ACTN1: variants seen among roughly 807,000 people sequenced by gnomAD.
ACTN1 encodes alpha-actinin-1.
Under a neutral mutation model 119.6 loss-of-function variants are expected in ACTN1, and 30 were observed. The observed-to-expected ratio is 0.25, with a 90% confidence interval of 0.19 to 0.34. The LOEUF (loss-of-function observed/expected upper bound fraction) is 0.34. Among genes scored for constraint, ACTN1 ranks in the 10% least tolerant of loss-of-function variants. The probability of loss-of-function intolerance (pLI) is 1.00; values close to 1 mark genes in which losing one functional copy is unlikely to be tolerated. For synonymous variants in ACTN1, 429 were observed against 472.6 expected (o/e 0.91, Z 1.20); for missense variants, 764 against 1,223.4 (o/e 0.62, Z 5.60).
At chr14:68,904,374 C>T (rs1338391921) in intron 7 of ACTN1, among the ~76,000 whole-genome samples, 3 of 152,180 alleles carry the variant, frequency 2.0e-5, no homozygotes, top group East Asian at 1.9e-4. Flanking sequence ...CCCCAGCACC[C>T]GCTATCCTGA....
At chr14:68,950,473 T>C (rs1168698078) in intron 1 of ACTN1, among the ~76,000 whole-genome samples, 1 of 149,278 alleles carries the variant, frequency 6.7e-6, no homozygotes, top group Admixed American at 6.6e-5. Flanking sequence ...TATATATATA[T>C]ATATAAATCA....
In ACTN1 at chr14:68,876,198, A is replaced by G. The variant is rs145426983; in HGVS notation, c.2586+884T>C. 9.8e-3 allele frequency among the ~76,000 whole-genome samples: 1,496 copies of G among 152,186 alleles called. 23 individuals are homozygous for G. Among genetic ancestry groups the G allele is most frequent in the African/African-American group, 0.032 (1,324 of 41,512 alleles). On this transcript the variant is annotated intron_variant, in intron 21 of 21. Coordinates refer to ENST00000394419, the MANE Select transcript of ACTN1 (RefSeq NM_001130004.2). Reference sequence around the variant, plus strand: ...TTTTTAGTAGAGACAAGGTTTTCCCATGTTGGCCAGACTGGTCTTGAACTC... The same window carrying G: ...TTTTTAGTAGAGACAAGGTTTTCCCGTGTTGGCCAGACTGGTCTTGAACTC...
intron 1 of ACTN1, among the ~76,000 whole-genome samples, chr14:68,964,342 T>G (rs1594879490): frequency 1.3e-5 from 2 of 152,146 alleles, no homozygotes; most frequent in East Asian, 3.9e-4. Context: ...CCACCTCCAC[T>G]GCTCAACACA....
At chr14:68,951,135 G>GCGC in intron 1 of ACTN1, among the ~76,000 whole-genome samples, 1 of 152,256 alleles carries the variant, frequency 6.6e-6, no homozygotes, top group East Asian at 1.9e-4. Context: ...TGGCAGGGAA[G>GCGC]CGCCACCCAT....
At chr14:68,917,857 G>T (rs1395796213) in intron 3 of ACTN1, among the ~76,000 whole-genome samples, 1 of 151,988 alleles carries the variant, frequency 6.6e-6, no homozygotes, top group Non-Finnish European at 1.5e-5. Flanking sequence ...TTTGAAGTCA[G>T]TAGTTCAAGA....
intron 8 of ACTN1, among the ~76,000 whole-genome samples, chr14:68,898,108 C>T (rs536696978): frequency 6.6e-6 from 1 of 152,216 alleles, no homozygotes; most frequent in Non-Finnish European, 1.5e-5. Flanking sequence ...CTGGTCAGAC[C>T]GCAGCCACTG....
chr14:68,953,487 A>G (rs756592515), intron 1 of ACTN1, among the ~76,000 whole-genome samples: 1 of 152,150 alleles, frequency 6.6e-6, no homozygotes, highest in Non-Finnish European at 1.5e-5. Context: ...CACATCTTAC[A>G]CTGTGCGTAC....
At chr14:68,883,124 G>C in intron 14 of ACTN1, 69 bp from the exon 15 acceptor site, 1 of 1,521,874 alleles carries the variant, frequency 6.6e-7, no homozygotes, top group Middle Eastern at 2.3e-4. Context: ...GAAGGGCCAT[G>C]GAGGTTGAGT....
chr14:68,874,846 C>T lies in ACTN1; in HGVS notation c.*13G>A, dbSNP rs758983643. 2.6e-6 allele frequency: 4 copies of T among 1,556,524 alleles called. No homozygotes were observed. Among genetic ancestry groups the T allele is most frequent in the Non-Finnish European group, 3.5e-6 (4 of 1,144,286 alleles). ...GCACGGCGCACAAGACGAGGGCGGC[C>T]GGGCGGGGTGGATTAGAGGTCACTC... On this transcript the variant is annotated 3_prime_UTR_variant, in exon 22 of 22. Transcript: ENST00000394419.
chr14:68,953,018 C>T (rs2036220919), intron 1 of ACTN1, among the ~76,000 whole-genome samples: 1 of 152,152 alleles, frequency 6.6e-6, no homozygotes, highest in South Asian at 2.1e-4. Flanking sequence ...TCCCTAGGGG[C>T]ATCTGCCACT....
intron 1 of ACTN1, chr14:68,936,499 C>CT: frequency 3.2e-6 from 1 of 310,920 alleles, no homozygotes. Flanking sequence ...GCTGTCATTA[C>CT]CTTTTTTTTT....
At chr14:68,973,553 C>T (rs2012752) in intron 1 of ACTN1, among the ~76,000 whole-genome samples, 113,343 of 152,144 alleles carry the variant, frequency 0.74, 42,626 homozygotes, top group East Asian at 1. Flanking sequence ...TTCTTTGCTT[C>T]ATAAATTACC....
At chr14:68,977,876 G>C in intron 1 of ACTN1, 1 of 451,668 alleles carries the variant, frequency 2.2e-6, no homozygotes, top group African/African-American at 2.0e-5. Context: ...GGACCGGATG[G>C]AAGTGGGCAG....
At chr14:68,890,090 G>A (rs1489292997) in intron 11 of ACTN1, 49 bp downstream of exon 11, 17 of 1,598,806 alleles carry the variant, frequency 1.1e-5, no homozygotes, top group Non-Finnish European at 1.4e-5. Flanking sequence ...GGGCTGAAGA[G>A]TAGGGAAGTG....
rs114568850 is a variant in ACTN1 at position 68,908,308 on chromosome 14, T to G, written c.594+1010A>C. On this transcript the variant is annotated intron_variant, in intron 6 of 21. Coordinates refer to ENST00000394419, the MANE Select transcript of ACTN1 (RefSeq NM_001130004.2). ...CGAAACAAAGGGCCTGCCACCACCA[T>G]GAGTTGCACAGCAGCTCCTGCCCCA... Among the ~76,000 whole-genome samples the G allele has an allele frequency of 8.1e-3, 1,232 of 152,262 alleles. 19 individuals carry two copies. The highest frequency in any genetic ancestry group is 0.028 in the African/African-American group (1,179 of 41,548).
intron 2 of ACTN1, among the ~76,000 whole-genome samples, chr14:68,924,471 G>A (rs1376826902): frequency 6.6e-6 from 1 of 152,218 alleles, no homozygotes; most frequent in Non-Finnish European, 1.5e-5. Context: ...TTTGGGAATA[G>A]TTAGTTGAAA....
chr14:68,874,793 A>G lies in ACTN1; in HGVS notation c.*66T>C. 1 of 1,423,596 alleles carries G rather than the reference A, an allele frequency of 7.0e-7. No individual in the cohort carries two copies. Among genetic ancestry groups the G allele is most frequent in the South Asian group, 1.7e-5 (1 of 59,918 alleles). The allele number at this position is 1,423,596 out of a possible 1,614,324, so 88.2% of individuals were successfully genotyped here. ...AGCTGAAACCGAACCCAGGCAGGAG[A>G]TGGGCGACGGCGGAGGTGCAAGGCA... On this transcript the variant is annotated 3_prime_UTR_variant, in exon 22 of 22. Transcript: ENST00000394419.
At chr14:68,967,067 G>A (rs951353681) in intron 1 of ACTN1, among the ~76,000 whole-genome samples, 1 of 152,200 alleles carries the variant, frequency 6.6e-6, no homozygotes. Context: ...AGAGAGGGGC[G>A]CTGAGCAGCA....
At chr14:68,929,241 G>C (rs916484778) in intron 1 of ACTN1, among the ~76,000 whole-genome samples, 18 of 152,102 alleles carry the variant, frequency 1.2e-4, no homozygotes, top group Middle Eastern at 6.3e-3. Context: ...GGCAGCCTTG[G>C]TCTTGAGGCT....
Sources: gnomAD v4.1 joint callset for allele counts (sites outside exome capture counted in the v4.1 genomes callset) on GRCh38, gnomAD v4.1.1 for gene constraint, MANE v1.5 for transcripts, NCBI Gene and HGNC (gene_info 2026-07-23, HGNC 2026-07-21) for gene names.